GARNL3: variants seen among roughly 807,000 people sequenced by gnomAD.
The protein encoded by GARNL3 is GTPase-activating Rap/Ran-GAP domain-like protein 3.
A neutral mutation model predicts 125.0 loss-of-function variants in GARNL3; 63 were observed. The observed-to-expected ratio is 0.50, with a 90% CI of 0.41 to 0.62. GARNL3 has a LOEUF of 0.62. GARNL3 is among the 20% of genes least tolerant of loss of function. The pLI is 0.00. For synonymous variants in GARNL3, 439 were observed against 457.5 expected (o/e 0.96, Z 0.52); for missense variants, 994 against 1,244.0 (o/e 0.80, Z 3.02).
intron 17 of GARNL3, among the ~76,000 whole-genome samples, chr9:127,352,092 G>T (rs1830449592): frequency 6.6e-6 from 1 of 152,330 alleles, no homozygotes; most frequent in South Asian, 2.1e-4. Flanking sequence ...TCCCTGGAGT[G>T]CTGTTGCTGC....
At chr9:127,261,489 C>T (rs1465094639), upstream of GARNL3, among the ~76,000 whole-genome samples, 2 of 149,808 alleles carry the variant, frequency 1.3e-5, no homozygotes, top group Admixed American at 1.3e-4. Context: ...CAGCTTACCG[C>T]AACCTCTGCC....
At chr9:127,378,287 C>T (rs976999136) in intron 22 of GARNL3, among the ~76,000 whole-genome samples, 1 of 149,066 alleles carries the variant, frequency 6.7e-6, no homozygotes, top group Non-Finnish European at 1.5e-5. Context: ...AGAGATCTTA[C>T]ATATCAAAAA....
At chr9:127,318,275 A>C (rs758585444) in intron 5 of GARNL3, 148 bp downstream of exon 5, 5 of 666,242 alleles carry the variant, frequency 7.5e-6, no homozygotes, top group Non-Finnish European at 1.1e-5. Context: ...CATGACGTGC[A>C]TCACCTCGTG....
chr9:127,287,917 A>G (rs573169741), intron 1 of GARNL3, among the ~76,000 whole-genome samples: 1 of 152,224 alleles, frequency 6.6e-6, no homozygotes, highest in African/African-American at 2.4e-5. Context: ...CAGGGCCAGT[A>G]TAGGTCTTAC....
chr9:127,275,919 C>T (rs539130345), intron 1 of GARNL3, among the ~76,000 whole-genome samples: 1 of 152,264 alleles, frequency 6.6e-6, no homozygotes, highest in South Asian at 2.1e-4. Flanking sequence ...ACTGTGCGTG[C>T]ATAATAGATG....
At chr9:127,335,055 G>A (rs1179235131) in intron 9 of GARNL3, among the ~76,000 whole-genome samples, 175 bp from the exon 10 acceptor site, 1 of 152,194 alleles carries the variant, frequency 6.6e-6, no homozygotes, top group Non-Finnish European at 1.5e-5. Flanking sequence ...AGAGGAAGAG[G>A]CCTTTCCATG....
intron 1 of GARNL3, among the ~76,000 whole-genome samples, chr9:127,289,295 A>T (rs2064343327): frequency 6.6e-6 from 1 of 152,228 alleles, no homozygotes; most frequent in African/African-American, 2.4e-5. Context: ...CTCAGGTTTG[A>T]TAGTTTGCTA....
In GARNL3 at chr9:127,353,751, T is replaced by A. The variant is rs1181652154; in HGVS notation, c.1544-95T>A. 1.1e-5 allele frequency: 9 copies of A among 807,818 alleles called. No individual in the cohort carries two copies. In the East Asian group the frequency reaches 2.2e-4, roughly 20 times the overall value. 50.0% of individuals were successfully genotyped at this position (807,818 alleles called of 1,614,324 possible). On this transcript the variant is annotated intron_variant, in intron 17 of 27. Coordinates refer to ENST00000373387, the MANE Select transcript of GARNL3 (RefSeq NM_032293.5). ...GCTGACTTCCTTCCTTGCCTAGAGA[T>A]AACTTGGGTTCAAAACTACCCACAG...
intron 1 of GARNL3, among the ~76,000 whole-genome samples, chr9:127,270,729 C>T (rs1433841681): frequency 6.6e-6 from 1 of 152,136 alleles, no homozygotes; most frequent in Admixed American, 6.5e-5. Flanking sequence ...TTTCATTTAC[C>T]ACTTACTTAC....
At chr9:127,261,983 T>C (rs16929723), upstream of GARNL3, among the ~76,000 whole-genome samples, 62 of 152,344 alleles carry the variant, frequency 4.1e-4, no homozygotes, top group African/African-American at 1.4e-3. Flanking sequence ...TTCTAGCCAC[T>C]TTCCCTAGAT....
At chr9:127,308,199 C>T (rs1363177582) in intron 2 of GARNL3, among the ~76,000 whole-genome samples, 2 of 152,162 alleles carry the variant, frequency 1.3e-5, no homozygotes, top group African/African-American at 4.8e-5. Flanking sequence ...CACTGAGGAA[C>T]AGATGGGTAT....
intron 22 of GARNL3, among the ~76,000 whole-genome samples, chr9:127,370,647 T>C (rs1831556624): frequency 1.3e-5 from 2 of 152,326 alleles, no homozygotes; most frequent in Admixed American, 6.5e-5. Flanking sequence ...TTTCTGACAT[T>C]GCTGTCCACT....
Position 127,292,365 on chromosome 9 carries a change from G to A in GARNL3, c.219+1123G>A, listed in dbSNP as rs141809301. Among the ~76,000 whole-genome samples, 254 of 152,238 alleles carry A rather than the reference G, an allele frequency of 1.7e-3. 7 individuals carry two copies. In the East Asian group the frequency reaches 0.043, roughly 26 times the overall value. On this transcript the variant is annotated intron_variant, in intron 2 of 27. Coordinates refer to ENST00000373387, the MANE Select transcript of GARNL3 (RefSeq NM_032293.5). ...CCTTAGAAACATCCCTCTCCAAATG[G>A]CCTGGCCCCTGGGACTAGATAGCCT...
At chr9:127,365,926 G>T (rs906138094) in intron 22 of GARNL3, among the ~76,000 whole-genome samples, 4 of 152,186 alleles carry the variant, frequency 2.6e-5, no homozygotes, top group Non-Finnish European at 4.4e-5. Flanking sequence ...TCCAGCCTCA[G>T]TTGGCCTAGT....
intron 20 of GARNL3, among the ~76,000 whole-genome samples, chr9:127,355,869 A>G (rs1005315734): frequency 6.6e-6 from 1 of 152,190 alleles, no homozygotes; most frequent in Non-Finnish European, 1.5e-5. Flanking sequence ...TTTAGAAAGA[A>G]TGTCCCAGGA....
intron 1 of GARNL3, among the ~76,000 whole-genome samples, chr9:127,239,421 T>C (rs543988337): frequency 6.6e-4 from 101 of 152,306 alleles, no homozygotes; most frequent in African/African-American, 2.3e-3. Context: ...GCCAGGTCAT[T>C]TCCCTCACAT....
chr9:127,331,720 C>CTTGCTTTTTTTTTTTTTT (rs367597623), intron 7 of GARNL3, among the ~76,000 whole-genome samples: 23 of 74,412 alleles, frequency 3.1e-4, no homozygotes, highest in African/African-American at 9.6e-4. Flanking sequence ...CTTGGGCTTG[C>CTTGCTTTTTTTTTTTTTT]TTTTTTTTTT....
At chr9:127,380,200 ATG>A (rs55906930) in intron 22 of GARNL3, among the ~76,000 whole-genome samples, 4,180 of 141,688 alleles carry the variant, frequency 0.03, 163 homozygotes, top group East Asian at 0.13. Context: ...CTCAAAAAAT[ATG>A]TGTGTGTGTG....
intron 2 of GARNL3, among the ~76,000 whole-genome samples, chr9:127,309,325 G>T (rs541241379): frequency 6.6e-6 from 1 of 152,308 alleles, no homozygotes; most frequent in East Asian, 1.9e-4. Flanking sequence ...AAAGTAGGGG[G>T]ATAAAATAGA....
Sources: allele counts gnomAD v4.1 joint callset (sites outside exome capture counted in the v4.1 genomes callset), GRCh38; gene constraint gnomAD v4.1.1; transcripts MANE v1.5; gene names NCBI Gene and HGNC (gene_info 2026-07-23, HGNC 2026-07-21).